The following DTNA variants were observed in gnomAD, a reference collection of about 807,000 sequenced individuals.
DTNA encodes dystrobrevin alpha, also known as dystrophin-related protein 3.
DTNA carries 43 observed loss-of-function variants against 100.7 expected under a neutral mutation model. The observed-to-expected ratio is 0.43, with a 90% CI of 0.33 to 0.55. DTNA has a LOEUF of 0.55. Ranked by LOEUF, DTNA falls within the 20% of genes least tolerant of loss-of-function variation. The pLI is 0.04. For synonymous variants in DTNA, 349 were observed against 347.9 expected (o/e 1.00, Z -0.04); for missense variants, 798 against 953.9 (o/e 0.84, Z 2.15).
intron 3 of DTNA, among the ~76,000 whole-genome samples, chr18:34,787,679 A>T (rs184172749): frequency 4.4e-4 from 67 of 152,292 alleles, no homozygotes; most frequent in Non-Finnish European, 5.7e-4. Flanking sequence ...ATAGTGCAAG[A>T]TGTCAGAAAA....
intron 1 of DTNA, among the ~76,000 whole-genome samples, chr18:34,619,863 G>A (rs1007415665): frequency 1.3e-5 from 2 of 152,174 alleles, no homozygotes; most frequent in Admixed American, 6.5e-5. Context: ...CAAGAAGGAT[G>A]TGTATCAGAA....
intron 16 of DTNA, among the ~76,000 whole-genome samples, chr18:34,861,485 CAAAAAAAAAAAAAAAAAAA>C (rs11329850): frequency 1.3e-5 from 1 of 77,942 alleles, no homozygotes; most frequent in Non-Finnish European, 2.3e-5. Flanking sequence ...GACTCCGTCT[CAAAAAAAAAAAAAAAAAAA>C]AAAAAAAAAA....
chr18:34,739,164 G>C (rs544495419), intron 1 of DTNA, among the ~76,000 whole-genome samples: 1 of 152,240 alleles, frequency 6.6e-6, no homozygotes, highest in East Asian at 1.9e-4. Flanking sequence ...GATTCTCTGA[G>C]ATTAGGATAT....
intron 1 of DTNA, among the ~76,000 whole-genome samples, chr18:34,651,786 G>A (rs573131720): frequency 1.7e-3 from 255 of 152,232 alleles, no homozygotes; most frequent in African/African-American, 3.6e-3. Context: ...GACCTGGGCC[G>A]AGCATGGTGA....
chr18:34,890,059 G>A lies in DTNA; in HGVS notation c.*2325G>A. 4.5e-6 allele frequency: 6 copies of A among 1,331,430 alleles called. No individual in the cohort carries two copies. Among genetic ancestry groups the A allele is most frequent in the Middle Eastern group, 2.9e-4 (1 of 3,470 alleles). 82.5% of individuals were successfully genotyped at this position (1,331,430 alleles called of 1,614,324 possible). On this transcript the variant is annotated 3_prime_UTR_variant, in exon 23 of 23. Coordinates refer to ENST00000444659, the MANE Select transcript of DTNA (RefSeq NM_001386795.1). ...ACTCAGAACTTAAATCCTGCACGTG[G>A]CACTCCACCACTGACTGGACCGAGC... is the stretch of plus-strand genomic sequence containing the variant.
chr18:34,682,849 T>A (rs913088969), intron 1 of DTNA, among the ~76,000 whole-genome samples: 10 of 152,062 alleles, frequency 6.6e-5, no homozygotes, highest in Non-Finnish European at 1.5e-4. Flanking sequence ...TGAAAAAAAA[T>A]TAAACTTAAT....
chr18:34,861,695 T>C (rs892506243), intron 16 of DTNA, among the ~76,000 whole-genome samples: 1 of 152,142 alleles, frequency 6.6e-6, no homozygotes, highest in African/African-American at 2.4e-5. Flanking sequence ...TACCTACATT[T>C]GGAAAACGCT....
At chr18:34,820,721 A>T in intron 8 of DTNA, 70 bp from the exon 9 acceptor site, 1 of 1,606,714 alleles carries the variant, frequency 6.2e-7, no homozygotes, top group East Asian at 2.2e-5. Flanking sequence ...TATTATGAAA[A>T]GCAAATCATT....
chr18:34,803,287 C>G (rs2095271832), intron 4 of DTNA, among the ~76,000 whole-genome samples: 1 of 151,850 alleles, frequency 6.6e-6, no homozygotes, highest in South Asian at 2.1e-4. Flanking sequence ...GGTGATTTAT[C>G]TAGATTTATT....
At chr18:34,770,068 C>G (rs2093691208) in intron 3 of DTNA, among the ~76,000 whole-genome samples, 1 of 152,014 alleles carries the variant, frequency 6.6e-6, no homozygotes. Flanking sequence ...AAAGTTCTGC[C>G]CTCAAGTCCT....
intron 1 of DTNA, among the ~76,000 whole-genome samples, chr18:34,745,687 A>G (rs1467682491): frequency 6.6e-6 from 1 of 152,208 alleles, no homozygotes; most frequent in Non-Finnish European, 1.5e-5. Flanking sequence ...TCCCTTGGGC[A>G]GTTGCTCTGT....
rs1054631805 is a variant in DTNA, at chr18:34,890,723, G to A, written c.*2989G>A. On this transcript the variant is annotated 3_prime_UTR_variant, in exon 23 of 23. Coordinates refer to ENST00000444659, the MANE Select transcript of DTNA (RefSeq NM_001386795.1). ...GTTGGTCAGAGGGAGTTGTGCTGGA[G>A]ATTGTGAAAAATGGGTTCTTGAATG... is the stretch of plus-strand genomic sequence containing the variant. 14 of 471,786 alleles carry A rather than the reference G, an allele frequency of 3.0e-5. No homozygotes were observed. The highest frequency in any genetic ancestry group is 2.3e-4 in the African/African-American group (12 of 51,622). The allele number at this position is 471,786 out of a possible 1,614,324, so 29.2% of individuals were successfully genotyped here.
chr18:34,694,442 C>T (rs960312192), intron 1 of DTNA, among the ~76,000 whole-genome samples: 4 of 152,112 alleles, frequency 2.6e-5, no homozygotes, highest in African/African-American at 9.7e-5. Context: ...TTTCAAAAAG[C>T]AAATGTTAAG....
chr18:34,675,903 G>A (rs562126259), intron 1 of DTNA, among the ~76,000 whole-genome samples: 1 of 152,278 alleles, frequency 6.6e-6, no homozygotes, highest in East Asian at 1.9e-4. Flanking sequence ...CTATATTCTG[G>A]TGTGAAGAGA....
chr18:34,858,429 A>AAT, intron 16 of DTNA, 31 bp downstream of exon 16: 1 of 1,602,220 alleles, frequency 6.2e-7, no homozygotes. Flanking sequence ...CATCTCAGGG[A>AAT]ATATATATGT....
chr18:34,879,985 G>C, intron 20 of DTNA, among the ~76,000 whole-genome samples: 1 of 152,094 alleles, frequency 6.6e-6, no homozygotes, highest in Non-Finnish European at 1.5e-5. Context: ...CATTGCTAGT[G>C]CTATACAAAA....
intron 13 of DTNA, among the ~76,000 whole-genome samples, chr18:34,845,915 G>A (rs908113294): frequency 9.9e-5 from 15 of 152,036 alleles, no homozygotes; most frequent in African/African-American, 3.4e-4. Flanking sequence ...TATGTAAGCC[G>A]TATATCCTAC....
At chr18:34,868,729 C>T in intron 17 of DTNA, 1 of 985,140 alleles carries the variant, frequency 1.0e-6, no homozygotes, top group Non-Finnish European at 1.2e-6. Flanking sequence ...GAGGAGAGAA[C>T]ATGAATTAAA....
At chr18:34,798,037 C>T (rs1017424198) in intron 4 of DTNA, among the ~76,000 whole-genome samples, 1 of 152,110 alleles carries the variant, frequency 6.6e-6, no homozygotes, top group Non-Finnish European at 1.5e-5. Context: ...TCTCACTCTG[C>T]CGCCCAGGCT....
Sources: allele counts gnomAD v4.1 joint callset (sites outside exome capture counted in the v4.1 genomes callset), GRCh38; gene constraint gnomAD v4.1.1; transcripts MANE v1.5; gene names NCBI Gene and HGNC (gene_info 2026-07-23, HGNC 2026-07-21).